The following PNPLA7 variants were observed in gnomAD, a reference collection of about 807,000 sequenced individuals.
The protein encoded by PNPLA7 is patatin like domain 7, lysophospholipase.
In PNPLA7, 153 loss-of-function variants were observed where a neutral mutation model predicts 161.7. That is an observed-to-expected ratio of 0.95 (90% CI 0.83 to 1.08). The LOEUF is 1.08. Ranked by LOEUF, PNPLA7 falls within the 50% of genes least tolerant of loss-of-function variation. The probability of loss-of-function intolerance (pLI) is 0.00; values close to 1 mark genes in which losing one functional copy is unlikely to be tolerated. For synonymous variants in PNPLA7, 809 were observed against 782.1 expected (o/e 1.03, Z -0.57); for missense variants, 1,739 against 1,856.6 (o/e 0.94, Z 1.16).
At chr9:137,461,507 C>G in intron 33 of PNPLA7, 29 bp downstream of exon 33, 1 of 1,596,560 alleles carries the variant, frequency 6.3e-7, no homozygotes, top group South Asian at 1.1e-5. Flanking sequence ...ACGCACGTCT[C>G]CACGGCTTCG....
intron 25 of PNPLA7, among the ~76,000 whole-genome samples, chr9:137,470,320 G>A (rs929480349): frequency 6.6e-6 from 1 of 152,058 alleles, no homozygotes; most frequent in Non-Finnish European, 1.5e-5. Flanking sequence ...CTGGCCTCTT[G>A]GAAGGTTTTA....
At chr9:137,461,837 A>AACT (rs1831215158) in intron 32 of PNPLA7, 94 bp downstream of exon 32, 1 of 1,357,984 alleles carries the variant, frequency 7.4e-7, no homozygotes, top group South Asian at 1.4e-5. Flanking sequence ...TGGCCTGAGG[A>AACT]GCTGGGCGTG....
At chr9:137,533,904 A>G (rs1310313576) in intron 8 of PNPLA7, among the ~76,000 whole-genome samples, 1 of 147,182 alleles carries the variant, frequency 6.8e-6, no homozygotes, top group East Asian at 2.1e-4. Context: ...TGTCCCCTCC[A>G]GACAGGAGCA....
At chr9:137,477,678 C>T (rs1370990384) in intron 25 of PNPLA7, among the ~76,000 whole-genome samples, 2 of 152,190 alleles carry the variant, frequency 1.3e-5, no homozygotes, top group Non-Finnish European at 2.9e-5. Context: ...CTCTTGACCT[C>T]GTGATCTGCC....
At chr9:137,488,312 T>A (rs1832596859) in intron 20 of PNPLA7, among the ~76,000 whole-genome samples, 1 of 152,224 alleles carries the variant, frequency 6.6e-6, no homozygotes, top group Non-Finnish European at 1.5e-5. Context: ...GGAATCCCTT[T>A]CCTCTCGCCT....
chr9:137,528,759 G>A (rs1835428362), intron 8 of PNPLA7, among the ~76,000 whole-genome samples: 1 of 150,942 alleles, frequency 6.6e-6, no homozygotes, highest in Admixed American at 6.6e-5. Flanking sequence ...GGAGTGCAGT[G>A]GTGCGATCTT....
chr9:137,517,238 CTCA>C (rs2132442748), intron 11 of PNPLA7, among the ~76,000 whole-genome samples: 2 of 111,832 alleles, frequency 1.8e-5, no homozygotes, highest in African/African-American at 3.6e-5. Flanking sequence ...CACTCCATCC[CTCA>C]CTCACTCACT....
In PNPLA7 at chr9:137,500,569, G is replaced by C; in HGVS notation, c.1757+122C>G. 1.1e-6 allele frequency: 1 copy of C among 946,402 alleles called. No individual in the cohort carries two copies. The highest frequency in any genetic ancestry group is 2.5e-5 in the Admixed American group (1 of 39,312). 58.6% of individuals were successfully genotyped at this position (946,402 alleles called of 1,614,324 possible). On this transcript the variant is annotated intron_variant, in intron 16 of 34. Coordinates refer to ENST00000406427, the MANE Select transcript of PNPLA7 (RefSeq NM_001098537.3). This position sits in a 1 kb window ranked among gnomAD's most constrained non-coding sequence, Gnocchi z 5.5. ...GGCCCACACAGGTGCCGGGGACAAAGAGGGGAGCCCGAGAAGCAGGGAAGA... is the reference window on the plus strand; with the variant it reads ...GGCCCACACAGGTGCCGGGGACAAACAGGGGAGCCCGAGAAGCAGGGAAGA...
At chr9:137,515,322 C>T (rs1834471726) in intron 12 of PNPLA7, 57 bp downstream of exon 12, 17 of 1,567,738 alleles carry the variant, frequency 1.1e-5, no homozygotes, top group African/African-American at 1.4e-5. Flanking sequence ...CAGCCTGGGT[C>T]TCAGATGCCG....
chr9:137,498,301 C>G lies in PNPLA7; in HGVS notation c.1758-56G>C, dbSNP rs1833179336. The G allele has an allele frequency of 3.1e-6, 5 of 1,592,550 alleles. No individual in the cohort carries two copies. In the East Asian group the frequency reaches 1.1e-4, roughly 36 times the overall value. ...CATCCCTCCAACCCTACCCTTCGCC[C>G]AGGGCCGCAGTGCTCGGGAATGGAT... On this transcript the variant is annotated intron_variant, in intron 16 of 34. Transcript: ENST00000406427.
At chr9:137,464,318 G>A in intron 27 of PNPLA7, 22 bp downstream of exon 27, 1 of 1,609,408 alleles carries the variant, frequency 6.2e-7, no homozygotes. Flanking sequence ...GGCTGCATGG[G>A]CTCCTGAGGG....
intron 12 of PNPLA7, among the ~76,000 whole-genome samples, chr9:137,506,867 C>A (rs564201923): frequency 1.3e-5 from 2 of 152,268 alleles, no homozygotes; most frequent in African/African-American, 4.8e-5. Context: ...GCTGCGCATG[C>A]GAGCGAGTCA....
At position 137,549,437 on chromosome 9, in the gene PNPLA7, GT is replaced by G. The variant is rs368580016; in HGVS notation, c.30+730del. Among the ~76,000 whole-genome samples the G allele has an allele frequency of 1.6e-4, 24 of 150,734 alleles. No individual in the cohort carries two copies. The East Asian group carries it at 4.1e-3, about 26-fold the overall frequency. ...AAAAAAATATTAGCCGGGCGTGGTGGTGGGCGCCTGTAGTCCCAGCTACTTG... is the reference window on the plus strand; with the variant it reads ...AAAAAAATATTAGCCGGGCGTGGTGGGGGCGCCTGTAGTCCCAGCTACTTG... On this transcript the variant is annotated intron_variant, in intron 1 of 34. Coordinates refer to ENST00000406427, the MANE Select transcript of PNPLA7 (RefSeq NM_001098537.3).
intron 11 of PNPLA7, among the ~76,000 whole-genome samples, chr9:137,518,611 TC>T (rs1227479042): frequency 7.0e-5 from 4 of 56,774 alleles, no homozygotes; most frequent in African/African-American, 8.0e-5. Flanking sequence ...GTCCACTCCA[TC>T]CCCCACTCAC....
rs145581382 is a variant in PNPLA7, at chr9:137,486,191, G to A, written c.2198-1455C>T. Among the ~76,000 whole-genome samples, 183 of 152,138 alleles carry A rather than the reference G, an allele frequency of 1.2e-3. 2 individuals are homozygous for A. The highest frequency in any genetic ancestry group is 3.1e-3 in the African/African-American group (130 of 41,488). On this transcript the variant is annotated intron_variant, in intron 20 of 34. Coordinates refer to ENST00000406427, the MANE Select transcript of PNPLA7 (RefSeq NM_001098537.3). This position sits in a 1 kb window ranked among gnomAD's most constrained non-coding sequence, Gnocchi z 6.0. ...TTGGCCAAGGTCAGAGTAAGGGGAC[G>A]CGGCATGGTGAGGGAAGAGGCCAGG...
At chr9:137,546,966 G>T in intron 3 of PNPLA7, 57 bp from the exon 4 acceptor site, 1 of 1,520,090 alleles carries the variant, frequency 6.6e-7, no homozygotes, top group South Asian at 1.1e-5. Flanking sequence ...CCTGGTCCTG[G>T]ACATGCAGGT....
rs1835946343 is a variant in PNPLA7, at chr9:137,537,317, CCATT to C, written c.747+3321_747+3324del. Among the ~76,000 whole-genome samples the C allele has an allele frequency of 6.6e-6, 1 of 151,952 alleles. No homozygotes were observed. Among genetic ancestry groups the C allele is most frequent in the Non-Finnish European group, 1.5e-5 (1 of 67,982 alleles). Reference sequence around the variant, plus strand: ...GAATTACCTCTCTCAGATATCACCCCCATTTTTTTTTTTGAGACAGAGTTGGAGT... The same window carrying C: ...GAATTACCTCTCTCAGATATCACCCCTTTTTTTTTGAGACAGAGTTGGAGT... On this transcript the variant is annotated intron_variant, in intron 8 of 34. Transcript: ENST00000406427. This position sits in a 1 kb window ranked among gnomAD's most constrained non-coding sequence, Gnocchi z 4.5.
chr9:137,494,986 A>G (rs1042076652), intron 19 of PNPLA7, 47 bp downstream of exon 19: 1 of 1,512,206 alleles, frequency 6.6e-7, no homozygotes, highest in Non-Finnish European at 9.1e-7. Context: ...GCCCTCATCC[A>G]CTCCACACCC....
chr9:137,505,101 T>A (rs11137349), intron 14 of PNPLA7, among the ~76,000 whole-genome samples: 70,542 of 148,380 alleles, frequency 0.48, 17,787 homozygotes, highest in Non-Finnish European at 0.56. Context: ...GGCAGGAGAA[T>A]CGCTTGAATC....
Sources: allele counts gnomAD v4.1 joint callset (sites outside exome capture counted in the v4.1 genomes callset), GRCh38; gene constraint gnomAD v4.1.1; non-coding constraint Gnocchi (gnomAD v3.1); transcripts MANE v1.5; gene names NCBI Gene and HGNC (gene_info 2026-07-23, HGNC 2026-07-21).